CEMIP: variants seen among roughly 807,000 people sequenced by gnomAD.
CEMIP encodes cell migration-inducing and hyaluronan-binding protein.
Under a neutral mutation model 156.9 loss-of-function variants are expected in CEMIP, and 105 were observed. The observed-to-expected ratio is 0.67, with a 90% CI of 0.57 to 0.79. CEMIP has a LOEUF of 0.79. CEMIP is among the 30% of genes least tolerant of loss of function. The pLI is 0.00. For missense variants in CEMIP, 1,457 were observed against 1,769.4 expected (o/e 0.82, Z 3.17); for synonymous variants, 676 against 668.4 (o/e 1.01, Z -0.17).
intron 12 of CEMIP, among the ~76,000 whole-genome samples, chr15:80,899,225 A>AAAAAAAAAG (rs1555433922): frequency 2.4e-5 from 3 of 126,790 alleles, no homozygotes; most frequent in African/African-American, 5.8e-5. Flanking sequence ...AAAAAAAAAA[A>AAAAAAAAAG]AAAGAAAGAA....
Position 80,924,633 on chromosome 15 carries a change from A to G in CEMIP, c.2215A>G (p.Ile739Val), listed in dbSNP as rs1353899979. 6.2e-7 allele frequency: 1 copy of G among 1,614,050 alleles called. No homozygotes were observed. The highest frequency in any genetic ancestry group is 1.3e-5 in the African/African-American group (1 of 74,916). The change falls in exon 18 of 30, where the codon ATA becomes GTA. Residue 739 changes from isoleucine (I) to valine (V), a missense_variant. By Grantham distance (29) the Ile-to-Val change is conservative (BLOSUM62 3). Transcript: ENST00000394685. ...AHSNYRAGMIIDNGVKTTEAS... is the reference protein window; with the variant it reads ...AHSNYRAGMIVDNGVKTTEAS... The stretch of plus-strand genomic sequence containing the variant: ...CTCTTCCCTGCAGGCTGGCATGATC[A>G]TAGACAACGGAGTCAAAACCACCGA...
chr15:80,898,481 G>A (rs1285891514), intron 12 of CEMIP, among the ~76,000 whole-genome samples: 1 of 152,212 alleles, frequency 6.6e-6, no homozygotes, highest in Non-Finnish European at 1.5e-5. Flanking sequence ...AGGAAGGGGT[G>A]TGGCTAACAG....
At chr15:80,858,430 T>C (rs1423354829) in intron 1 of CEMIP, among the ~76,000 whole-genome samples, 1 of 152,146 alleles carries the variant, frequency 6.6e-6, no homozygotes. Flanking sequence ...GAATTAACCT[T>C]TGGCTGGGCT....
chr15:80,781,562 T>A (rs1487995645), intron 1 of CEMIP, among the ~76,000 whole-genome samples: 1 of 152,218 alleles, frequency 6.6e-6, no homozygotes, highest in Non-Finnish European at 1.5e-5. Flanking sequence ...GAAGTGTGTA[T>A]CTTCCTTTAT....
chr15:80,869,695 C>T (rs543216353), intron 1 of CEMIP, among the ~76,000 whole-genome samples: 15 of 152,312 alleles, frequency 9.8e-5, no homozygotes, highest in East Asian at 7.7e-4. Flanking sequence ...GATTCACATC[C>T]GATTCCTCTC....
intron 10 of CEMIP, among the ~76,000 whole-genome samples, chr15:80,894,308 A>G (rs1215062415): frequency 6.6e-6 from 1 of 152,216 alleles, no homozygotes; most frequent in Non-Finnish European, 1.5e-5. Flanking sequence ...TAGCTCTGCC[A>G]CCTACTGGCT....
intron 1 of CEMIP, among the ~76,000 whole-genome samples, chr15:80,844,883 C>A (rs1249490736): frequency 6.6e-6 from 1 of 152,186 alleles, no homozygotes; most frequent in African/African-American, 2.4e-5. Context: ...CCAGGGTGCC[C>A]ATGGGCAGGA....
chr15:80,926,630 T>C (rs888565317), intron 19 of CEMIP, among the ~76,000 whole-genome samples: 6 of 151,838 alleles, frequency 4.0e-5, no homozygotes, highest in African/African-American at 1.5e-4. Context: ...GGGGAGAAAC[T>C]GACTTAGCAT....
chr15:80,947,522 G>C, intron 29 of CEMIP: 1 of 172,170 alleles, frequency 5.8e-6, no homozygotes. Flanking sequence ...CTAAAGCCCA[G>C]AGAACCTACA....
In CEMIP at chr15:80,881,997, GC is replaced by G. The variant is rs535266892; in HGVS notation, c.617+864del. On this transcript the variant is annotated intron_variant, in intron 6 of 29. Coordinates refer to ENST00000394685, the MANE Select transcript of CEMIP (RefSeq NM_001293298.2). ...TGCAGTCCCAGGAGCTCTCATCCTG[GC>G]CCTTTAGAGGGAAGGACAGAGGTGG... Among the ~76,000 whole-genome samples, 241 of 152,278 alleles carry G rather than the reference GC, an allele frequency of 1.6e-3. 3 individuals are homozygous for G. The highest frequency in any genetic ancestry group is 0.015 in the Admixed American group (237 of 15,292).
intron 3 of CEMIP, among the ~76,000 whole-genome samples, chr15:80,874,647 T>C (rs1194694262): frequency 1.3e-5 from 2 of 152,228 alleles, no homozygotes; most frequent in East Asian, 1.9e-4. Flanking sequence ...TATCTCAGCA[T>C]TGTCAGCTTT....
At chr15:80,863,427 C>T (rs1041394663) in intron 1 of CEMIP, among the ~76,000 whole-genome samples, 4 of 152,082 alleles carry the variant, frequency 2.6e-5, no homozygotes, top group Admixed American at 6.5e-5. Context: ...AATGTGTTCA[C>T]GGAGTCCCTG....
intron 28 of CEMIP, chr15:80,946,522 CTCTT>C (rs1901560512): frequency 5.3e-6 from 1 of 187,414 alleles, no homozygotes; most frequent in East Asian, 1.3e-4. Flanking sequence ...CGCACCTCCT[CTCTT>C]TCTCTTCCCT....
At chr15:80,871,500 C>G (rs751272238) in intron 1 of CEMIP, among the ~76,000 whole-genome samples, 9 of 152,176 alleles carry the variant, frequency 5.9e-5, no homozygotes, top group African/African-American at 2.2e-4. Flanking sequence ...CCTCCCCACT[C>G]GGTACCTGGG....
chr15:80,897,251 C>T (rs888215628), intron 12 of CEMIP: 3 of 455,886 alleles, frequency 6.6e-6, no homozygotes, highest in Non-Finnish European at 1.3e-5. Context: ...CCAATATACT[C>T]ACCATATCTA....
intron 10 of CEMIP, among the ~76,000 whole-genome samples, chr15:80,891,976 A>C (rs1221554657): frequency 1.3e-5 from 2 of 152,236 alleles, no homozygotes; most frequent in Non-Finnish European, 2.9e-5. Context: ...GCCAAAAGTT[A>C]AATGTCCTAG....
rs187013333 is a variant in CEMIP, at chr15:80,888,328, A to T, written c.869-373A>T. Among the ~76,000 whole-genome samples, 159 of 151,564 alleles carry T rather than the reference A, an allele frequency of 1.0e-3. 2 individuals carry two copies. The highest frequency in any genetic ancestry group is 3.8e-3 in the African/African-American group (154 of 40,990). Reference sequence around the variant, plus strand: ...AGAGACCCCGTCTCAAAAAAATTTAAAAAAAAAGAGCTAAAGCGACACTTT... The same window carrying T: ...AGAGACCCCGTCTCAAAAAAATTTATAAAAAAAGAGCTAAAGCGACACTTT... On this transcript the variant is annotated intron_variant, in intron 8 of 29. Coordinates refer to ENST00000394685, the MANE Select transcript of CEMIP (RefSeq NM_001293298.2).
At chr15:80,789,701 G>A (rs1283241676) in intron 1 of CEMIP, among the ~76,000 whole-genome samples, 1 of 152,164 alleles carries the variant, frequency 6.6e-6, no homozygotes, top group Non-Finnish European at 1.5e-5. Context: ...AGGTGACTGA[G>A]AAACAGCTGA....
rs200991275 is a variant in CEMIP at position 80,874,469 on chromosome 15, T to TAA, written c.94+506_94+507dup. 6.9e-4 allele frequency among the ~76,000 whole-genome samples: 103 copies of TAA among 148,304 alleles called. 1 individual carries two copies. The East Asian group carries it at 0.013, about 19-fold the overall frequency. On this transcript the variant is annotated intron_variant, in intron 3 of 29. Transcript: ENST00000394685. Reference sequence around the variant, plus strand: ...TGTAAAAACCACTCTAATAGGCTGTTAAAAAAAAAAACAAAAACAAAAAAA... The same window carrying TAA: ...TGTAAAAACCACTCTAATAGGCTGTTAAAAAAAAAAAAACAAAAACAAAAAAA...
Sources: allele counts gnomAD v4.1 joint callset (sites outside exome capture counted in the v4.1 genomes callset), GRCh38; gene constraint gnomAD v4.1.1; transcripts MANE v1.5; gene names NCBI Gene and HGNC (gene_info 2026-07-23, HGNC 2026-07-21).